The following UGT1A4 variants were observed in gnomAD, a reference collection of about 807,000 sequenced individuals.
The protein encoded by UGT1A4 is UDP-glucuronosyltransferase 1A4.
In UGT1A4, 32 loss-of-function variants were observed where a neutral mutation model predicts 41.1. That is an observed-to-expected ratio of 0.78 (90% CI 0.59 to 1.05). The LOEUF (loss-of-function observed/expected upper bound fraction) is 1.05, where lower values mean the gene tolerates loss of function less well. Among genes scored for constraint, UGT1A4 ranks in the 50% least tolerant of loss-of-function variants. The pLI is 0.00. For synonymous variants in UGT1A4, 283 were observed against 265.1 expected (o/e 1.07, Z -0.66); for missense variants, 748 against 677.4 (o/e 1.10, Z -1.16).
Position 233,756,099 on chromosome 2 carries a change from C to T in UGT1A4, c.868-10935C>T, listed in dbSNP as rs117664856. ...ATGAGAAAATCAAGTAACATTATTACGGAAATAGTTTTGACTTTGTAAAAT... is the reference window on the plus strand; with the variant it reads ...ATGAGAAAATCAAGTAACATTATTATGGAAATAGTTTTGACTTTGTAAAAT... On this transcript the variant is annotated intron_variant, in intron 1 of 4. Coordinates refer to ENST00000373409, the MANE Select transcript of UGT1A4 (RefSeq NM_007120.3). 23 of 152,310 alleles carry T rather than the reference C, an allele frequency of 1.5e-4. 1 individual carries two copies. In the East Asian group the frequency reaches 4.0e-3, roughly 27 times the overall value. 9.4% of individuals were successfully genotyped at this position (152,310 alleles called of 1,614,324 possible). A position where few individuals can be genotyped will look rare whatever the true frequency, so the allele number is the denominator to read the frequency against.
At chr2:233,754,930 G>C (rs1387383656) in intron 1 of UGT1A4, 3 of 1,344,668 alleles carry the variant, frequency 2.2e-6, no homozygotes, top group Non-Finnish European at 2.0e-6. Context: ...TTTCCCAAGA[G>C]GTCAAAGGAG....
chr2:233,724,157 G>A (rs1410071236), intron 1 of UGT1A4, among the ~76,000 whole-genome samples: 2 of 119,956 alleles, frequency 1.7e-5, no homozygotes, highest in African/African-American at 7.4e-5. Flanking sequence ...GCCGGGTGGG[G>A]GGGCTGACCC....
chr2:233,726,396 T>C (rs1359821142), intron 1 of UGT1A4, among the ~76,000 whole-genome samples: 1 of 152,226 alleles, frequency 6.6e-6, no homozygotes, highest in Admixed American at 6.5e-5. Context: ...TCTCATAGTC[T>C]TTTGATGTCA....
rs774438667 is a variant in UGT1A4 at position 233,767,136 on chromosome 2, G to T, written c.970G>T (p.Ala324Ser). 3.1e-6 allele frequency: 5 copies of T among 1,614,110 alleles called. No individual in the cohort carries two copies. Among genetic ancestry groups the T allele is most frequent in the Admixed American group, 1.7e-5 (1 of 60,022 alleles). The stretch of plus-strand genomic sequence containing the variant: ...TCCAGAGAAGAAAGCTATGGCAATT[G>T]CTGATGCTTTGGGCAAAATCCCTCA... The part of the protein sequence containing the change: ...EIPEKKAMAI[A>S]DALGKIPQTV... Residue 324 changes from alanine to serine, a missense_variant, in exon 2 of 5, where the codon GCT (alanine) becomes TCT (serine). By Grantham distance (99) the Ala-to-Ser change is moderately conservative. Coordinates refer to ENST00000373409, the MANE Select transcript of UGT1A4 (RefSeq NM_007120.3).
At chr2:233,730,481 T>A (rs1335220137) in intron 1 of UGT1A4, among the ~76,000 whole-genome samples, 1 of 152,146 alleles carries the variant, frequency 6.6e-6, no homozygotes, top group Non-Finnish European at 1.5e-5. Context: ...GGCACTCACA[T>A]GAAATAGAAG....
chr2:233,754,958 A>G (rs750600568), intron 1 of UGT1A4: 19 of 1,315,144 alleles, frequency 1.4e-5, no homozygotes, highest in South Asian at 1.4e-4. Flanking sequence ...CCCGGCCGCC[A>G]AAGAACTCCC....
chr2:233,729,869 T>C (rs1226699407), intron 1 of UGT1A4: 4 of 1,613,726 alleles, frequency 2.5e-6, no homozygotes, highest in East Asian at 4.5e-5. Context: ...GTGGTGGATA[T>C]TCTCAGTCAT....
chr2:233,767,305 GT>G (rs1444114295), intron 2 of UGT1A4, 140 bp downstream of exon 2: 24 of 1,519,088 alleles, frequency 1.6e-5, no homozygotes, highest in Middle Eastern at 1.8e-4. Context: ...TAATCCAAAG[GT>G]TTTTTTTGTT....
chr2:233,721,911 G>GGAA, intron 1 of UGT1A4: 1 of 435,688 alleles, frequency 2.3e-6, no homozygotes, highest in Non-Finnish European at 4.6e-6. Flanking sequence ...GGTGCACACT[G>GGAA]CTTCCATAAA....
Position 233,767,853 on chromosome 2 carries a change from TG to T in UGT1A4, c.1005del (p.Trp336GlyfsTer31), listed in dbSNP as rs1559414567. 7 of 1,614,210 alleles carry T rather than the reference TG, an allele frequency of 4.3e-6. No homozygotes were observed. Among genetic ancestry groups the T allele is most frequent in the Non-Finnish European group, 5.9e-6 (7 of 1,180,034 alleles). ...TGCTCTTTTTGCCCCTCCCAGGTCCTGTGGCGGTACACTGGAACCCGACCAT... is the reference window on the plus strand; with the variant it reads ...TGCTCTTTTTGCCCCTCCCAGGTCCTTGGCGGTACACTGGAACCCGACCAT... Reference protein sequence around the residue: ...DALGKIPQTVLWRYTGTRPSN... With the variant: ...DALGKIPQTVXWRYTGTRPSN... On this transcript the variant is annotated frameshift_variant, in exon 3 of 5. Coordinates refer to ENST00000373409, the MANE Select transcript of UGT1A4 (RefSeq NM_007120.3). LOFTEE classifies it high-confidence loss of function.
intron 1 of UGT1A4, among the ~76,000 whole-genome samples, chr2:233,757,565 T>C (rs1696654647): frequency 7.0e-6 from 1 of 141,992 alleles, no homozygotes; most frequent in African/African-American, 2.7e-5. Flanking sequence ...TATATATGTA[T>C]ATATGATATA....
chr2:233,755,491 T>C (rs112011393), intron 1 of UGT1A4: 20 of 202,890 alleles, frequency 9.9e-5, no homozygotes, highest in Non-Finnish European at 1.9e-4. Flanking sequence ...GGCCCTGTGA[T>C]GCTCCAAGAC....
At chr2:233,749,926 G>T (rs946076967) in intron 1 of UGT1A4, among the ~76,000 whole-genome samples, 1 of 151,912 alleles carries the variant, frequency 6.6e-6, no homozygotes, top group African/African-American at 2.4e-5. Flanking sequence ...GTCAATTAAA[G>T]CTCTTTCCTT....
chr2:233,726,048 C>T (rs2077495587), intron 1 of UGT1A4, among the ~76,000 whole-genome samples: 1 of 152,078 alleles, frequency 6.6e-6, no homozygotes, highest in African/African-American at 2.4e-5. Context: ...CACCTGTGGT[C>T]CCAGCTACTC....
intron 1 of UGT1A4, among the ~76,000 whole-genome samples, chr2:233,757,672 G>A (rs1236186994): frequency 2.0e-5 from 3 of 151,168 alleles, no homozygotes; most frequent in Admixed American, 2.0e-4. Context: ...GGAAATTCAA[G>A]GAATTCAAGG....
chr2:233,761,750 G>A (rs1428006312), intron 1 of UGT1A4, among the ~76,000 whole-genome samples: 1 of 152,244 alleles, frequency 6.6e-6, no homozygotes, highest in Non-Finnish European at 1.5e-5. Context: ...AGAGTTTGAA[G>A]TATGCAAAAA....
At chr2:233,723,943 C>T (rs2125696372) in intron 1 of UGT1A4, among the ~76,000 whole-genome samples, 1 of 54,774 alleles carries the variant, frequency 1.8e-5, no homozygotes, top group African/African-American at 1.4e-4. Flanking sequence ...TCTACACAGA[C>T]ACGGCAACCA....
chr2:233,750,944 C>T (rs1260619822), intron 1 of UGT1A4, among the ~76,000 whole-genome samples: 5 of 151,882 alleles, frequency 3.3e-5, no homozygotes, highest in Non-Finnish European at 7.3e-5. Flanking sequence ...AGCCCCCACA[C>T]AGAGTCTCCA....
chr2:233,755,070 C>T (rs1695739797), intron 1 of UGT1A4: 5 of 1,336,550 alleles, frequency 3.7e-6, no homozygotes, highest in South Asian at 1.1e-5. Context: ...CTCGCCATAG[C>T]GGTCATAGAT....
Sources: allele counts gnomAD v4.1 joint callset (sites outside exome capture counted in the v4.1 genomes callset), GRCh38; gene constraint gnomAD v4.1.1; transcripts MANE v1.5; gene names NCBI Gene and HGNC (gene_info 2026-07-23, HGNC 2026-07-21).